TGFA: variants seen among roughly 807,000 people sequenced by gnomAD.
The protein encoded by TGFA is protransforming growth factor alpha.
TGFA carries 12 observed loss-of-function variants against 21.7 expected under a neutral mutation model. The ratio of observed to expected loss-of-function variants is 0.55; its 90% confidence interval spans 0.35 to 0.90. TGFA has a LOEUF of 0.90. Ranked by LOEUF, TGFA falls within the 40% of genes least tolerant of loss-of-function variation. The pLI, the probability that TGFA is intolerant of heterozygous loss-of-function variation, is 0.01. For missense variants in TGFA, 178 were observed against 210.8 expected (o/e 0.84, Z 0.96); for synonymous variants, 79 against 88.1 (o/e 0.90, Z 0.58).
At chr2:70,520,374 G>T (rs1672409078) in intron 1 of TGFA, among the ~76,000 whole-genome samples, 1 of 151,208 alleles carries the variant, frequency 6.6e-6, no homozygotes, top group East Asian at 2.0e-4. Context: ...AATCAGCTGG[G>T]TGTGGTGGTG....
chr2:70,549,675 G>A (rs1444245161), intron 1 of TGFA, among the ~76,000 whole-genome samples: 4 of 152,140 alleles, frequency 2.6e-5, no homozygotes, highest in Non-Finnish European at 5.9e-5. Context: ...CCTTTTAGAG[G>A]GCAGTGCAAA....
In TGFA at chr2:70,456,280, G is replaced by T; in HGVS notation, c.365+59C>A. ...GGCCCTGTTATCTGGATATACTGCGGATGTCCCTGGTAGGGGAGGTGGGCA... is the reference window on the plus strand; with the variant it reads ...GGCCCTGTTATCTGGATATACTGCGTATGTCCCTGGTAGGGGAGGTGGGCA... On this transcript the variant is annotated intron_variant, in intron 4 of 5. Coordinates refer to ENST00000295400, the MANE Select transcript of TGFA (RefSeq NM_003236.4). 3.3e-6 allele frequency: 5 copies of T among 1,510,712 alleles called. No individual in the cohort carries two copies. In the African/African-American group the frequency reaches 5.5e-5, roughly 17 times the overall value. The allele number at this position is 1,510,712 out of a possible 1,614,324, so 93.6% of individuals were successfully genotyped here.
rs574912501 is a variant in TGFA, at chr2:70,525,483, C to A, written c.41-10571G>T. The stretch of plus-strand genomic sequence containing the variant: ...AAGTTCAATCAAGAAGGAAACAAAT[C>A]CCCAGAACTACAGGTTTTCAAGAGT... On this transcript the variant is annotated intron_variant, in intron 1 of 5. Coordinates refer to ENST00000295400, the MANE Select transcript of TGFA (RefSeq NM_003236.4). Among the ~76,000 whole-genome samples, 138 of 152,262 alleles carry A rather than the reference C, an allele frequency of 9.1e-4. 1 individual carries two copies. The highest frequency in any genetic ancestry group is 1.6e-3 in the Non-Finnish European group (112 of 68,016).
chr2:70,455,267 T>C (rs1174795369), intron 4 of TGFA, among the ~76,000 whole-genome samples: 1 of 152,200 alleles, frequency 6.6e-6, no homozygotes, highest in East Asian at 1.9e-4. Context: ...AAGCTGGGGC[T>C]CTAACGGGTG....
chr2:70,543,075 C>T (rs912078711), intron 1 of TGFA, among the ~76,000 whole-genome samples: 2 of 151,616 alleles, frequency 1.3e-5, no homozygotes, highest in African/African-American at 2.4e-5. Flanking sequence ...TGCACTCCAG[C>T]CTGGGTAACA....
At chr2:70,463,273 A>G (rs540191622) in intron 3 of TGFA, among the ~76,000 whole-genome samples, 4 of 152,226 alleles carry the variant, frequency 2.6e-5, no homozygotes, top group African/African-American at 9.6e-5. Flanking sequence ...CCATGAACTA[A>G]GCTTTTATTG....
At chr2:70,552,248 G>T (rs897492734) in intron 1 of TGFA, among the ~76,000 whole-genome samples, 2 of 152,052 alleles carry the variant, frequency 1.3e-5, no homozygotes, top group Non-Finnish European at 2.9e-5. Context: ...TTCTTTATCC[G>T]GTTGGTGTGA....
intron 2 of TGFA, among the ~76,000 whole-genome samples, chr2:70,482,529 G>T (rs1270981135): frequency 1.3e-5 from 2 of 152,152 alleles, no homozygotes; most frequent in Non-Finnish European, 2.9e-5. Flanking sequence ...AATGCTGTTG[G>T]ATTATATAAA....
At chr2:70,465,506 G>C (rs2103696944) in intron 3 of TGFA, 110 bp downstream of exon 3, 1 of 1,386,290 alleles carries the variant, frequency 7.2e-7, no homozygotes, top group East Asian at 2.4e-5. Context: ...GACACATCTG[G>C]CTCCAGGGGT....
intron 1 of TGFA, among the ~76,000 whole-genome samples, chr2:70,519,721 T>C (rs1672391701): frequency 6.6e-6 from 1 of 152,242 alleles, no homozygotes; most frequent in Non-Finnish European, 1.5e-5. Context: ...GATCCAGCAT[T>C]ACCTGAAAGC....
At chr2:70,516,537 G>A (rs1672283753) in intron 1 of TGFA, among the ~76,000 whole-genome samples, 1 of 152,168 alleles carries the variant, frequency 6.6e-6, no homozygotes, top group Admixed American at 6.5e-5. Context: ...TTGGAGGCAG[G>A]GCAGGGGGAC....
chr2:70,494,383 T>C (rs1671521091), intron 2 of TGFA, among the ~76,000 whole-genome samples: 2 of 152,232 alleles, frequency 1.3e-5, no homozygotes, highest in Non-Finnish European at 2.9e-5. Flanking sequence ...CTGCACCAAA[T>C]GAAAATAATT....
chr2:70,472,739 G>C (rs1237691368), intron 2 of TGFA, among the ~76,000 whole-genome samples: 1 of 152,214 alleles, frequency 6.6e-6, no homozygotes, highest in Non-Finnish European at 1.5e-5. Flanking sequence ...AGCGGGAGCC[G>C]GCTGAGCCTG....
chr2:70,458,706 C>T (rs559311293), intron 3 of TGFA, among the ~76,000 whole-genome samples: 2 of 152,346 alleles, frequency 1.3e-5, no homozygotes, highest in South Asian at 2.1e-4. Context: ...TTTACAGACT[C>T]GTTTACGTTC....
intron 2 of TGFA, among the ~76,000 whole-genome samples, chr2:70,507,760 C>T (rs1553500392): frequency 6.6e-6 from 1 of 152,180 alleles, no homozygotes; most frequent in Non-Finnish European, 1.5e-5. Flanking sequence ...TGTCATTTGC[C>T]TTGCCTCTTT....
chr2:70,499,490 G>C (rs1671674402), intron 2 of TGFA, among the ~76,000 whole-genome samples: 1 of 152,188 alleles, frequency 6.6e-6, no homozygotes, highest in African/African-American at 2.4e-5. Flanking sequence ...AACATCTCCT[G>C]ACTGAACCTT....
At position 70,465,718 on chromosome 2, in the gene TGFA, G is replaced by T. The variant is rs199700477; in HGVS notation, c.113C>A (p.Ala38Glu). 1.7e-5 allele frequency: 28 copies of T among 1,614,070 alleles called. No homozygotes were observed. In the East Asian group the frequency reaches 5.1e-4, roughly 30 times the overall value. ...GTCATTAAAATGGGACACCACTGCT[G>T]CAGCCACGGGCGGGTCTGCTGGGGA... ...SPLSADPPVA[A>E]AVVSHFNDCP... Residue 38 changes from alanine (A) to glutamate (E), a missense_variant, in exon 3 of 6, where the codon GCA (alanine) becomes GAA (glutamate). Coordinates refer to ENST00000295400, the MANE Select transcript of TGFA (RefSeq NM_003236.4).
At chr2:70,522,492 T>C (rs1474910587) in intron 1 of TGFA, among the ~76,000 whole-genome samples, 2 of 152,184 alleles carry the variant, frequency 1.3e-5, no homozygotes, top group Non-Finnish European at 2.9e-5. Flanking sequence ...TGGAGTACAG[T>C]GGCATGATCT....
chr2:70,510,375 C>T (rs1553500780), intron 2 of TGFA, among the ~76,000 whole-genome samples: 2 of 152,180 alleles, frequency 1.3e-5, no homozygotes, highest in African/African-American at 4.8e-5. Context: ...GCAGTACTTC[C>T]TAAAACCTGC....
Sources: allele counts gnomAD v4.1 joint callset (sites outside exome capture counted in the v4.1 genomes callset), GRCh38; gene constraint gnomAD v4.1.1; transcripts MANE v1.5; gene names NCBI Gene and HGNC (gene_info 2026-07-23, HGNC 2026-07-21).